The following MROH1 variants were observed in gnomAD, a reference collection of about 807,000 sequenced individuals.
The protein encoded by MROH1 is maestro heat-like repeat-containing protein family member 1.
Under a neutral mutation model 116.5 loss-of-function variants are expected in MROH1, and 117 were observed. The ratio of observed to expected loss-of-function variants is 1.00; its 90% CI spans 0.86 to 1.17. The LOEUF is 1.17. MROH1 is among the 50% of genes most tolerant of loss of function. MROH1 has a pLI of 0.00. For synonymous variants in MROH1, 921 were observed against 583.9 expected, an observed-to-expected ratio of 1.58 and a Z score of -8.32; for missense variants, 1,873 against 1,338.5, an observed-to-expected ratio of 1.40 and a Z score of -6.23.
intron 13 of MROH1, 78 bp downstream of exon 13, chr8:144,220,751 A>C: frequency 7.6e-7 from 1 of 1,316,142 alleles, no homozygotes; most frequent in Non-Finnish European, 1.1e-6. Context: ...GTGCTGTGAG[A>C]TCACCCACCA....
rs71320815 is a variant in MROH1 at position 144,216,684 on chromosome 8, C to CTT, written c.1142-3894_1142-3893dup. 4.5e-3 allele frequency among the ~76,000 whole-genome samples: 643 copies of CTT among 142,686 alleles called. 11 individuals carry two copies. Among genetic ancestry groups the CTT allele is most frequent in the African/African-American group, 0.017 (611 of 35,288 alleles). The allele number at this position is 142,686 out of a possible 152,430, so 93.6% of individuals were successfully genotyped here. On this transcript the variant is annotated intron_variant, in intron 12 of 43. Coordinates refer to ENST00000326134, the MANE Select transcript of MROH1 (RefSeq NM_032450.3). The stretch of plus-strand genomic sequence containing the variant: ...TAATGGTATGTCATATTTTTTACTG[C>CTT]TTTTTTTTTTTTTTTTTTTTTTTGA...
chr8:144,247,434 A>G lies in MROH1; in HGVS notation c.3005A>G (p.Glu1002Gly). ...YSLLYLQLGY[E>G]GFSRDYRDDV... Reference sequence around the variant, plus strand: ...CTGCTGTACCTCCAGCTCGGCTATGAGGGTGAGCCCTCGTCAGGAGTGTGG... The same window carrying G: ...CTGCTGTACCTCCAGCTCGGCTATGGGGGTGAGCCCTCGTCAGGAGTGTGG... The change falls in exon 30 of 44, where the codon GAG becomes GGG. Residue 1002 changes from glutamate to glycine, a missense_variant and splice_region_variant. Physicochemically the swap from Glu to Gly is moderately conservative, Grantham distance 98 (BLOSUM62 -2). Coordinates refer to ENST00000326134, the MANE Select transcript of MROH1 (RefSeq NM_032450.3). 1.3e-6 allele frequency: 1 copy of G among 770,790 alleles called. No homozygotes were observed. The highest frequency in any genetic ancestry group is 2.4e-6 in the Non-Finnish European group (1 of 413,424). 47.7% of individuals were successfully genotyped at this position (770,790 alleles called of 1,614,324 possible). A position where few individuals can be genotyped will look rare whatever the true frequency, so the allele number is the denominator to read the frequency against.
At chr8:144,192,633 C>A in intron 10 of MROH1, 1 of 685,878 alleles carries the variant, frequency 1.5e-6, no homozygotes, top group Non-Finnish European at 2.7e-6. Context: ...ATGGAGGTGG[C>A]AGGAGTGGGT....
In MROH1 at chr8:144,163,419, G is replaced by A. The variant is rs117841856; in HGVS notation, c.-56-352G>A. ...GTGATGTGTGAAAGCTGTGGTGCCC[G>A]TGCTCAGTTCCTCACAGTGTGGAGG... On this transcript the variant is annotated intron_variant, in intron 2 of 43. Transcript: ENST00000326134. This position sits in a 1 kb window ranked among gnomAD's most constrained non-coding sequence, Gnocchi z 4.4. Among the ~76,000 whole-genome samples the A allele has an allele frequency of 1.1e-3, 160 of 152,280 alleles. 4 individuals are homozygous for A. In the East Asian group the frequency reaches 0.024, roughly 23 times the overall value.
chr8:144,215,575 A>G (rs1342552454), intron 12 of MROH1, among the ~76,000 whole-genome samples: 3 of 152,240 alleles, frequency 2.0e-5, no homozygotes, highest in Non-Finnish European at 4.4e-5. Flanking sequence ...CTTCTCACCT[A>G]AAAAATGAAA....
In MROH1 at chr8:144,260,070, C is replaced by G; in HGVS notation, c.4191+13C>G. On this transcript the variant is annotated intron_variant, in intron 38 of 43. Transcript: ENST00000326134. Reference sequence around the variant, plus strand: ...CTGCCCTGACAAGGTGGGGTGGCCACCAGCCCCTCTGGGTCCCAGGCAGCA... The same window carrying G: ...CTGCCCTGACAAGGTGGGGTGGCCAGCAGCCCCTCTGGGTCCCAGGCAGCA... 1.4e-6 allele frequency: 1 copy of G among 729,302 alleles called. No individual in the cohort carries two copies. Among genetic ancestry groups the G allele is most frequent in the South Asian group, 1.4e-5 (1 of 70,050 alleles). The allele number at this position is 729,302 out of a possible 1,614,324, so 45.2% of individuals were successfully genotyped here. A position where few individuals can be genotyped will look rare whatever the true frequency, so the allele number is the denominator to read the frequency against.
chr8:144,200,466 C>A lies in MROH1; in HGVS notation c.1066C>A (p.Pro356Thr). The A allele has an allele frequency of 6.4e-7, 1 of 1,551,560 alleles. No individual in the cohort carries two copies. The highest frequency in any genetic ancestry group is 1.9e-4 in the Middle Eastern group (1 of 5,296). Residue 356 changes from proline (P) to threonine (T), a missense_variant, in exon 12 of 44, where the codon CCC becomes ACC. Transcript: ENST00000326134. ...TGACCGCCTACTGGCCTTCCTGCTG[C>A]CCAGGCTGGACACCAGCAATGAGAG... ...SPDRLLAFLLPRLDTSNERTR... is the reference protein window; with the variant it reads ...SPDRLLAFLLTRLDTSNERTR...
chr8:144,191,690 C>A, intron 8 of MROH1, 25 bp from the exon 9 acceptor site: 1 of 1,610,374 alleles, frequency 6.2e-7, no homozygotes, highest in South Asian at 1.1e-5. Flanking sequence ...GCAGCGTAAG[C>A]TTCCCGCCCA....
At chr8:144,254,712 T>G in intron 33 of MROH1, 101 bp from the exon 34 acceptor site, 1 of 644,594 alleles carries the variant, frequency 1.6e-6, no homozygotes, top group Admixed American at 2.3e-5. Context: ...CTGGTGGCTG[T>G]GTCTGAGCGT....
At chr8:144,246,029 CACCTCCCTCCCTTCCTCCCCT>C (rs1679847093) in intron 29 of MROH1, among the ~76,000 whole-genome samples, 4 of 107,700 alleles carry the variant, frequency 3.7e-5, no homozygotes, top group Middle Eastern at 4.5e-3. Flanking sequence ...CTCCCTCCCT[CACCTCCCTCCCTTCCTCCCCT>C]CCCTCCCTCC....
In MROH1 at chr8:144,196,510, T is replaced by A. The variant is rs534252736; in HGVS notation, c.949-2612T>A. ...TAGCTGGGATTACAGGCGCATGCTA[T>A]GATGCCCAGCTAATTTTTGTATTTT... On this transcript the variant is annotated intron_variant, in intron 10 of 43. Coordinates refer to ENST00000326134, the MANE Select transcript of MROH1 (RefSeq NM_032450.3). 1.8e-3 allele frequency among the ~76,000 whole-genome samples: 273 copies of A among 151,162 alleles called. 3 individuals carry two copies. The highest frequency in any genetic ancestry group is 6.4e-3 in the African/African-American group (263 of 41,354).
chr8:144,183,361 A>G (rs1321330325), intron 7 of MROH1, among the ~76,000 whole-genome samples: 4 of 150,554 alleles, frequency 2.7e-5, no homozygotes, highest in Non-Finnish European at 4.4e-5. Flanking sequence ...AGCCTGGGTG[A>G]CAGAGCAAGA....
At chr8:144,191,945 G>A (rs932479108) in intron 9 of MROH1, 90 bp downstream of exon 9, 1 of 1,478,010 alleles carries the variant, frequency 6.8e-7, no homozygotes, top group Non-Finnish European at 9.2e-7. Context: ...CTAGGGCTCA[G>A]TGGTGGGTGG....
intron 12 of MROH1, among the ~76,000 whole-genome samples, chr8:144,208,717 CT>C (rs918624960): frequency 8.0e-5 from 12 of 149,538 alleles, no homozygotes; most frequent in East Asian, 2.0e-4. Flanking sequence ...CAATATCACA[CT>C]TTTTTTTTTC....
intron 12 of MROH1, among the ~76,000 whole-genome samples, chr8:144,215,024 T>A (rs575316399): frequency 2.6e-4 from 39 of 152,288 alleles, no homozygotes; most frequent in African/African-American, 9.4e-4. Flanking sequence ...ATTCTGGCCA[T>A]GCTGGCATCT....
In MROH1 at chr8:144,160,122, T is replaced by A. The variant is rs575690065; in HGVS notation, c.-176-848T>A. On this transcript the variant is annotated intron_variant, in intron 1 of 43. Transcript: ENST00000326134. Reference sequence around the variant, plus strand: ...AGGCGTTGCTTTTGCTTGGTGTTGCTGGATATTTTTGTGTTTCTGTTAGTA... The same window carrying A: ...AGGCGTTGCTTTTGCTTGGTGTTGCAGGATATTTTTGTGTTTCTGTTAGTA... Among the ~76,000 whole-genome samples the A allele has an allele frequency of 2.6e-5, 4 of 152,350 alleles. No individual in the cohort carries two copies. In the East Asian group the frequency reaches 7.7e-4, roughly 29 times the overall value.
intron 1 of MROH1, among the ~76,000 whole-genome samples, chr8:144,152,851 C>T (rs1340229051): frequency 2.0e-5 from 3 of 152,004 alleles, no homozygotes; most frequent in Non-Finnish European, 4.4e-5. Context: ...CTGGCCATGA[C>T]CTCATATACT....
At chr8:144,211,825 C>T (rs1016392289) in intron 12 of MROH1, among the ~76,000 whole-genome samples, 2 of 152,176 alleles carry the variant, frequency 1.3e-5, no homozygotes, top group Non-Finnish European at 2.9e-5. Flanking sequence ...TCCTATCACC[C>T]TCCAGAGGTG....
chr8:144,150,367 C>A (rs1816414970), intron 1 of MROH1, among the ~76,000 whole-genome samples: 1 of 152,172 alleles, frequency 6.6e-6, no homozygotes, highest in Admixed American at 6.6e-5. Flanking sequence ...TTAATTTAAC[C>A]AGAGCCCTGA....
Sources: allele counts gnomAD v4.1 joint callset (sites outside exome capture counted in the v4.1 genomes callset), GRCh38; gene constraint gnomAD v4.1.1; non-coding constraint Gnocchi (gnomAD v3.1); transcripts MANE v1.5; gene names NCBI Gene and HGNC (gene_info 2026-07-23, HGNC 2026-07-21).